Variants in ATP10B observed in about 807,000 individuals in gnomAD.
ATP10B encodes phospholipid-transporting ATPase VB.
Under a neutral mutation model 141.2 loss-of-function variants are expected in ATP10B, and 122 were observed. The ratio of observed to expected loss-of-function variants is 0.86; its 90% CI spans 0.75 to 1.00. The LOEUF is 1.00. ATP10B is among the 50% of genes least tolerant of loss of function. The probability of loss-of-function intolerance (pLI) is 0.00; values close to 1 mark genes in which losing one functional copy is unlikely to be tolerated. For missense variants in ATP10B, 1,876 were observed against 1,825.3 expected (o/e 1.03, Z -0.51); for synonymous variants, 685 against 692.0 (o/e 0.99, Z 0.16).
chr5:160,600,014 CTAG>C (rs1261184215), intron 21 of ATP10B, among the ~76,000 whole-genome samples: 1 of 152,124 alleles, frequency 6.6e-6, no homozygotes, highest in African/African-American at 2.4e-5. Flanking sequence ...CATATTGCCA[CTAG>C]TAGTAACATC....
At chr5:160,579,748 A>G (rs557798924) in intron 24 of ATP10B, among the ~76,000 whole-genome samples, 1 of 152,074 alleles carries the variant, frequency 6.6e-6, no homozygotes, top group Non-Finnish European at 1.5e-5. Context: ...CTATAAATTA[A>G]TTTGGGCAGT....
intron 25 of ATP10B, among the ~76,000 whole-genome samples, chr5:160,567,860 A>G (rs1366152772): frequency 6.6e-6 from 1 of 152,218 alleles, no homozygotes; most frequent in Non-Finnish European, 1.5e-5. Context: ...AGTAAGATCC[A>G]ATAGGAGACT....
chr5:160,787,679 A>G (rs556751268), intron 1 of ATP10B, among the ~76,000 whole-genome samples: 1 of 152,198 alleles, frequency 6.6e-6, no homozygotes, highest in African/African-American at 2.4e-5. Context: ...GGGGGGCAGG[A>G]ATTTGGGGAG....
intron 6 of ATP10B, among the ~76,000 whole-genome samples, chr5:160,673,057 T>A (rs185663204): frequency 1.8e-4 from 27 of 152,356 alleles, no homozygotes; most frequent in African/African-American, 5.8e-4. Flanking sequence ...CACAGGGTTC[T>A]GTGGAAGTGC....
At chr5:160,861,198 T>C in the ATP10B span, among the ~76,000 whole-genome samples, 1 of 151,906 alleles carries the variant, frequency 6.6e-6, no homozygotes, top group South Asian at 2.1e-4. Flanking sequence ...TATTTTCCTT[T>C]AATTTTTCCA....
chr5:160,679,738 AG>A (rs1206505314), intron 6 of ATP10B, among the ~76,000 whole-genome samples: 1 of 152,248 alleles, frequency 6.6e-6, no homozygotes, highest in Non-Finnish European at 1.5e-5. Flanking sequence ...TAGATGAATA[AG>A]TGAGTGACCA....
At chr5:160,793,874 T>TA (rs1251563148) in intron 1 of ATP10B, among the ~76,000 whole-genome samples, 1 of 152,228 alleles carries the variant, frequency 6.6e-6, no homozygotes, top group Non-Finnish European at 1.5e-5. Flanking sequence ...ACCATTGTCT[T>TA]ACAATTACCT....
chr5:160,704,914 CTTT>C (rs1170629163), intron 3 of ATP10B, among the ~76,000 whole-genome samples: 925 of 83,634 alleles, frequency 0.011, 7 homozygotes, highest in African/African-American at 0.051. Context: ...TTTCTTTCAT[CTTT>C]TTTTTTTTTT....
At chr5:160,733,315 T>A (rs1171283588) in intron 2 of ATP10B, among the ~76,000 whole-genome samples, 1 of 152,136 alleles carries the variant, frequency 6.6e-6, no homozygotes, top group East Asian at 1.9e-4. Flanking sequence ...CAGGAACCTG[T>A]TAGATAATAT....
At chr5:160,705,117 A>G (rs1764925147) in intron 3 of ATP10B, among the ~76,000 whole-genome samples, 1 of 151,190 alleles carries the variant, frequency 6.6e-6, no homozygotes, top group East Asian at 1.9e-4. Flanking sequence ...ACGGGGTTTC[A>G]CTGTGTTAGC....
rs150681755 is a variant in ATP10B at position 160,634,498 on chromosome 5, T to A, written c.1237A>T (p.Ile413Phe). Residue 413 changes from isoleucine to phenylalanine, a missense_variant, in exon 12 of 26, where the codon ATT (isoleucine) becomes TTT (phenylalanine). Ile to Phe is a conservative substitution (Grantham distance 21). Transcript: ENST00000327245. ...GCGATGTTGAGGGCTCGACATTGAA[T>A]GGATAAATCGGTCTCTTCATCATAC... ...DLYDEETDLSIQCRALNIAED... is the reference protein window; with the variant it reads ...DLYDEETDLSFQCRALNIAED... 2 of 1,614,194 alleles carry A rather than the reference T, an allele frequency of 1.2e-6. No homozygotes were observed. The highest frequency in any genetic ancestry group is 3.3e-5 in the Admixed American group (2 of 60,028).
chr5:160,627,104 G>A (rs1327601954), intron 13 of ATP10B, among the ~76,000 whole-genome samples: 1 of 151,958 alleles, frequency 6.6e-6, no homozygotes, highest in African/African-American at 2.4e-5. Context: ...CTCACAACCT[G>A]CACTCCTCAT....
At chr5:160,672,869 A>C (rs887496666) in intron 6 of ATP10B, among the ~76,000 whole-genome samples, 5 of 152,216 alleles carry the variant, frequency 3.3e-5, no homozygotes, top group African/African-American at 1.2e-4. Flanking sequence ...CCCCTCCTGG[A>C]GGCCCTCTGG....
At chr5:160,927,526 G>A in the ATP10B span, among the ~76,000 whole-genome samples, 1 of 152,160 alleles carries the variant, frequency 6.6e-6, no homozygotes, top group Non-Finnish European at 1.5e-5. Flanking sequence ...AAAAATCCAG[G>A]TGTTCTTTAC....
intron 24 of ATP10B, among the ~76,000 whole-genome samples, chr5:160,570,707 C>G (rs932034914): frequency 2.0e-5 from 3 of 152,214 alleles, no homozygotes; most frequent in African/African-American, 4.8e-5. Flanking sequence ...ATGTTTATCA[C>G]TTCTCACGCC....
chr5:160,800,721 C>G (rs947349506), intron 1 of ATP10B, among the ~76,000 whole-genome samples: 4 of 152,208 alleles, frequency 2.6e-5, no homozygotes, highest in Non-Finnish European at 5.9e-5. Context: ...CTGGATTCCA[C>G]AGAGATAGGC....
intron 11 of ATP10B, among the ~76,000 whole-genome samples, chr5:160,635,692 C>T (rs1018566970): frequency 6.6e-6 from 1 of 152,192 alleles, no homozygotes. Flanking sequence ...TCATCAATTA[C>T]TGTCTCACAT....
intron 2 of ATP10B, among the ~76,000 whole-genome samples, chr5:160,720,548 T>C (rs1049736169): frequency 6.6e-6 from 1 of 152,236 alleles, no homozygotes; most frequent in Non-Finnish European, 1.5e-5. Context: ...GCTTCTTCAA[T>C]CAGGCGTTGG....
At chr5:160,820,161 G>C (rs1293997797) in intron 1 of ATP10B, among the ~76,000 whole-genome samples, 2 of 149,850 alleles carry the variant, frequency 1.3e-5, no homozygotes, top group East Asian at 3.9e-4. Flanking sequence ...AAAGAGGGAA[G>C]ACTCAAATAA....
Sources: allele counts gnomAD v4.1 joint callset (sites outside exome capture counted in the v4.1 genomes callset), GRCh38; gene constraint gnomAD v4.1.1; transcripts MANE v1.5; gene names NCBI Gene and HGNC (gene_info 2026-07-23, HGNC 2026-07-21).